PIWIL1: variants seen among roughly 807,000 people sequenced by gnomAD.
PIWIL1 encodes the protein piwi like RNA-mediated gene silencing 1, also known as piwi-like protein 1.
PIWIL1 carries 73 observed loss-of-function variants against 114.4 expected under a neutral mutation model. The ratio of observed to expected loss-of-function variants is 0.64; its 90% CI spans 0.53 to 0.78. The LOEUF (loss-of-function observed/expected upper bound fraction) is 0.78. PIWIL1 is among the 30% of genes least tolerant of loss of function. PIWIL1 has a pLI of 0.00. For synonymous variants in PIWIL1, 375 were observed against 369.0 expected, an observed-to-expected ratio of 1.02 and a Z score of -0.19; for missense variants, 723 against 1,063.1, an observed-to-expected ratio of 0.68 and a Z score of 4.45.
chr12:130,371,757 T>C lies in PIWIL1; in HGVS notation c.*159T>C. 1 of 455,248 alleles carries C rather than the reference T, an allele frequency of 2.2e-6. No homozygotes were observed. Among genetic ancestry groups the C allele is most frequent in the Non-Finnish European group, 3.9e-6 (1 of 256,032 alleles). 28.2% of individuals were successfully genotyped at this position (455,248 alleles called of 1,614,324 possible). On this transcript the variant is annotated 3_prime_UTR_variant, in exon 21 of 21. Transcript: ENST00000245255. The stretch of plus-strand genomic sequence containing the variant: ...ATTTCTAGCATTGCTATTCACCGGC[T>C]TCCTTATTTTATACGTAAAAATTAA...
the PIWIL1 span, among the ~76,000 whole-genome samples, chr12:130,392,257 C>CGT: frequency 1.9e-5 from 1 of 51,316 alleles, no homozygotes; most frequent in Non-Finnish European, 3.5e-5. Flanking sequence ...ACCGTCATCA[C>CGT]GTGTCCGTCA....
At chr12:130,351,913 G>A (rs571578534) in intron 9 of PIWIL1, among the ~76,000 whole-genome samples, 95 of 152,094 alleles carry the variant, frequency 6.2e-4, no homozygotes, top group African/African-American at 2.0e-3. Flanking sequence ...TGTGGCACCC[G>A]TGGCCCTGTG....
chr12:130,358,233 G>A (rs1482098968), intron 14 of PIWIL1, among the ~76,000 whole-genome samples: 1 of 152,184 alleles, frequency 6.6e-6, no homozygotes, highest in African/African-American at 2.4e-5. Context: ...CAGAGGGTTA[G>A]GAATTGGAGA....
At chr12:130,384,392 A>G in the PIWIL1 span, among the ~76,000 whole-genome samples, 180 of 152,336 alleles carry the variant, frequency 1.2e-3, no homozygotes, top group African/African-American at 4.2e-3. Context: ...GCTTTAACTG[A>G]TGTCTGTTGC....
rs755426369 is a variant in PIWIL1, at chr12:130,361,301, C to G, written c.1787C>G (p.Thr596Ser). The G allele has an allele frequency of 5.6e-6, 9 of 1,614,092 alleles. No homozygotes were observed. The highest frequency in any genetic ancestry group is 1.6e-4 in the Middle Eastern group (1 of 6,084). ...GCCCGAACCTTAGGCAAACAGCAAA[C>G]TGTCATGGCCATTGCTACAAAGATT... ...VVARTLGKQQ[T>S]VMAIATKIAL... The change falls in exon 15 of 21, where the codon ACT becomes AGT. Residue 596 changes from threonine to serine, a missense_variant. Physicochemically the swap from Thr to Ser is moderately conservative, Grantham distance 58. Coordinates refer to ENST00000245255, the MANE Select transcript of PIWIL1 (RefSeq NM_004764.5).
At chr12:130,387,547 A>T in the PIWIL1 span, among the ~76,000 whole-genome samples, 4 of 47,454 alleles carry the variant, frequency 8.4e-5, no homozygotes, top group South Asian at 3.8e-3. Flanking sequence ...CATGCACACC[A>T]CCCCTTCCTG....
At chr12:130,424,252 T>TGGGCTCGCC in the PIWIL1 span, 1 of 1,231,826 alleles carries the variant, frequency 8.1e-7, no homozygotes, top group African/African-American at 1.6e-5. This position sits in a 1 kb window ranked among gnomAD's most constrained non-coding sequence, Gnocchi z 9.8. Flanking sequence ...TGGTGCTCGG[T>TGGGCTCGCC]GGGCTCGCCC....
At chr12:130,340,237 A>T (rs937371044) in intron 1 of PIWIL1, among the ~76,000 whole-genome samples, 1 of 152,050 alleles carries the variant, frequency 6.6e-6, no homozygotes, top group Non-Finnish European at 1.5e-5. Context: ...AGGGTGAGTC[A>T]CGGAATTGAT....
chr12:130,425,309 G>A, the PIWIL1 span: 178 of 156,572 alleles, frequency 1.1e-3, no homozygotes, highest in Middle Eastern at 3.2e-3. Flanking sequence ...CACCAGACAC[G>A]GAGCCTGACC....
chr12:130,352,117 C>G (rs564406432), intron 9 of PIWIL1, among the ~76,000 whole-genome samples: 2 of 152,276 alleles, frequency 1.3e-5, no homozygotes, highest in South Asian at 4.1e-4. Context: ...CAGGGATAAT[C>G]AGATGTCTTT....
At chr12:130,422,157 C>G in the PIWIL1 span, among the ~76,000 whole-genome samples, 8 of 152,138 alleles carry the variant, frequency 5.3e-5, no homozygotes, top group Non-Finnish European at 1.2e-4. The surrounding 1 kb of genome is among the most constrained non-coding windows in gnomAD (Gnocchi z 5.2). Context: ...GGAGCCCATG[C>G]CAGGATGAGG....
At chr12:130,409,417 A>G in the PIWIL1 span, among the ~76,000 whole-genome samples, 1 of 130,628 alleles carries the variant, frequency 7.7e-6, no homozygotes. Flanking sequence ...ATCCCGGCTC[A>G]CTGCAAGCTC....
chr12:130,361,768 T>G (rs2073515909), intron 16 of PIWIL1, among the ~76,000 whole-genome samples, 167 bp downstream of exon 16: 1 of 152,238 alleles, frequency 6.6e-6, no homozygotes, highest in Non-Finnish European at 1.5e-5. Flanking sequence ...TTGAATGACT[T>G]TCATCCTGTA....
At chr12:130,353,396 G>C (rs1388938881) in intron 9 of PIWIL1, among the ~76,000 whole-genome samples, 5 of 149,022 alleles carry the variant, frequency 3.4e-5, no homozygotes, top group African/African-American at 1.2e-4. Flanking sequence ...TGGTTTTTTT[G>C]TTCTTCTGGT....
rs766692063 is a variant in PIWIL1, at chr12:130,354,590, C to G, written c.1098C>G (p.Pro366=). ...DLKQPVLVSQ[P]KRRRGPGGTL... ...AGCAGCCTGTCTTGGTCAGCCAGCCCAAGAGAAGGCGGGGCCCTGGGGGGA... is the reference window on the plus strand; with the variant it reads ...AGCAGCCTGTCTTGGTCAGCCAGCCGAAGAGAAGGCGGGGCCCTGGGGGGA... The change falls in exon 10 of 21, where the codon CCC becomes CCG. Residue 366 remains proline, a synonymous_variant. Transcript: ENST00000245255. 1.4e-5 allele frequency: 23 copies of G among 1,613,912 alleles called. No homozygotes were observed. The highest frequency in any genetic ancestry group is 3.3e-4 in the Middle Eastern group (2 of 6,056).
chr12:130,385,047 C>A, the PIWIL1 span, among the ~76,000 whole-genome samples: 3 of 152,196 alleles, frequency 2.0e-5, no homozygotes, highest in African/African-American at 7.2e-5. Context: ...CCCTCTTCCA[C>A]GCTCACCATA....
Position 130,357,031 on chromosome 12 carries a change from A to C in PIWIL1, c.1518A>C (p.Glu506Asp), listed in dbSNP as rs772368398. ...WLLIYTRRNY[E>D]AANSLIQNLF... ...TGATCTATACGCGAAGAAATTATGA[A>C]GCAGCCAATTCATTGATACAAAATC... Residue 506 changes from glutamate to aspartate, a missense_variant, in exon 13 of 21, where the codon GAA (glutamate) becomes GAC (aspartate). Glu to Asp is a conservative substitution (Grantham distance 45). This residue lies in a region of PIWIL1 where 298 missense variants were observed against 420.8 expected (regional missense o/e 0.71). Transcript: ENST00000245255. The C allele has an allele frequency of 5.0e-6, 8 of 1,613,856 alleles. No individual in the cohort carries two copies. In the African/African-American group the frequency reaches 1.1e-4, roughly 22 times the overall value.
At chr12:130,374,709 A>G (rs977064370), downstream of PIWIL1, among the ~76,000 whole-genome samples, 13 of 152,154 alleles carry the variant, frequency 8.5e-5, no homozygotes, top group Non-Finnish European at 1.6e-4. Flanking sequence ...CCCCACGACC[A>G]GTGGCATGCC....
rs115681081 is a variant in PIWIL1 at position 130,359,772 on chromosome 12, G to A, written c.1666-1408G>A. Among the ~76,000 whole-genome samples the A allele has an allele frequency of 3.1e-3, 467 of 152,218 alleles. 1 individual carries two copies. Among genetic ancestry groups the A allele is most frequent in the African/African-American group, 0.01 (431 of 41,526 alleles). On this transcript the variant is annotated intron_variant, in intron 14 of 20. Coordinates refer to ENST00000245255, the MANE Select transcript of PIWIL1 (RefSeq NM_004764.5). ...CATAAAATTGCCAGAGATCTGCTGA[G>A]GGAACATGGAACTTGCAAAAGATAG... is the stretch of plus-strand genomic sequence containing the variant.
Sources: gnomAD v4.1 joint callset for allele counts (sites outside exome capture counted in the v4.1 genomes callset) on GRCh38, gnomAD v4.1.1 for gene constraint, gnomAD v4.1.1 regional missense constraint, Gnocchi (gnomAD v3.1) non-coding constraint, MANE v1.5 for transcripts, NCBI Gene and HGNC (gene_info 2026-07-23, HGNC 2026-07-21) for gene names.